Variants in PIAS3 observed in about 807,000 individuals in gnomAD.
The protein encoded by PIAS3 is protein inhibitor of activated STAT 3.
A neutral mutation model predicts 67.6 loss-of-function variants in PIAS3; 34 were observed. The observed-to-expected ratio is 0.50, with a 90% confidence interval of 0.38 to 0.67. The LOEUF (loss-of-function observed/expected upper bound fraction) is 0.67, where lower values mean the gene tolerates loss of function less well. Ranked by LOEUF, PIAS3 falls within the 30% of genes least tolerant of loss-of-function variation. The pLI is 0.00. For synonymous variants in PIAS3, 341 were observed against 313.8 expected, an observed-to-expected ratio of 1.09 and a Z score of -0.92; for missense variants, 693 against 791.6, an observed-to-expected ratio of 0.88 and a Z score of 1.49.
chr1:145,854,897 T>C lies in PIAS3; in HGVS notation c.670-17A>G, dbSNP rs1553735230. ...AAGGTAACCCTGGAGAAGGGAGGGA[T>C]TGGTCAGTGGAGAAGTGGCTCTGGG... On this transcript the variant is annotated splice_polypyrimidine_tract_variant and intron_variant, in intron 5 of 13. Transcript: ENST00000393045. The C allele has an allele frequency of 5.0e-6, 8 of 1,613,594 alleles. No individual in the cohort carries two copies. The highest frequency in any genetic ancestry group is 1.3e-5 in the African/African-American group (1 of 74,816).
intron 9 of PIAS3, 66 bp downstream of exon 9, chr1:145,853,438 A>G: frequency 7.8e-7 from 1 of 1,284,292 alleles, no homozygotes. Flanking sequence ...AGAAAAAGAA[A>G]AAGAAATAAC....
intron 9 of PIAS3, 155 bp from the exon 10 acceptor site, chr1:145,851,308 A>G: frequency 1.4e-6 from 1 of 739,626 alleles, no homozygotes; most frequent in Non-Finnish European, 2.3e-6. Context: ...TTGGAATCAA[A>G]TAACACAAGG....
rs782108461 is a variant in PIAS3 at position 145,858,955 on chromosome 1, G to A, written c.24+12C>T. The stretch of plus-strand genomic sequence containing the variant: ...CTGAGTCCAGATGGGGATGGGGGGA[G>A]GGGGCCGGTACCTTTAATTCGCCCA... On this transcript the variant is annotated intron_variant, in intron 1 of 13. Coordinates refer to ENST00000393045, the MANE Select transcript of PIAS3 (RefSeq NM_006099.3). The A allele has an allele frequency of 6.6e-7, 1 of 1,525,906 alleles. No individual in the cohort carries two copies. Among genetic ancestry groups the A allele is most frequent in the Non-Finnish European group, 8.8e-7 (1 of 1,138,062 alleles). The allele number at this position is 1,525,906 out of a possible 1,614,324, so 94.5% of individuals were successfully genotyped here.
At position 145,855,730 on chromosome 1, in the gene PIAS3, A is replaced by G; in HGVS notation, c.669+6T>C. The G allele has an allele frequency of 6.6e-7, 1 of 1,512,176 alleles. No individual in the cohort carries two copies. Among genetic ancestry groups the G allele is most frequent in the South Asian group, 1.2e-5 (1 of 86,486 alleles). The allele number at this position is 1,512,176 out of a possible 1,614,324, so 93.7% of individuals were successfully genotyped here. On this transcript the variant is annotated splice_donor_region_variant and intron_variant, in intron 5 of 13. Transcript: ENST00000393045. ...ATTACTGACAGAAGAAGGGGAGAGC[A>G]TTTACCGGCAGGGGGCACAGTTTCC...
At chr1:145,854,985 G>T in intron 5 of PIAS3, 105 bp from the exon 6 acceptor site, 2 of 1,376,556 alleles carry the variant, frequency 1.5e-6, no homozygotes, top group Non-Finnish European at 1.0e-6. Flanking sequence ...CTGGAGGGAA[G>T]GCCAACTCGC....
At chr1:145,850,006 G>A (rs1652890484) in intron 13 of PIAS3, 16 of 1,437,550 alleles carry the variant, frequency 1.1e-5, no homozygotes, top group Non-Finnish European at 1.3e-5. Context: ...GGGTAGGGGT[G>A]AGTAGGCCAG....
rs376674457 is a variant in PIAS3, at chr1:145,859,010, C to T, written c.-20G>A. 4.9e-4 allele frequency: 760 copies of T among 1,544,594 alleles called. 3 individuals are homozygous for T. Among genetic ancestry groups the T allele is most frequent in the South Asian group, 2.3e-3 (189 of 83,332 alleles). On this transcript the variant is annotated 5_prime_UTR_variant, in exon 1 of 14. Transcript: ENST00000393045. ...CGCCATCTTGAGACATCGCAGGCGC[C>T]CCAGCCGGAGCCGGAGCTCAGGCCC...
intron 5 of PIAS3, among the ~76,000 whole-genome samples, chr1:145,855,272 A>G (rs1653120116): frequency 6.6e-6 from 1 of 152,156 alleles, no homozygotes; most frequent in African/African-American, 2.4e-5. Context: ...ACCTGAGGTC[A>G]GGAGTTCGAG....
Position 145,849,486 on chromosome 1 carries a change from G to A in PIAS3, c.1847C>T (p.Ser616Phe), listed in dbSNP as rs72995955. The stretch of plus-strand genomic sequence containing the variant: ...GATGTCTGACCGACAGCCAGTCAAA[G>A]AGGGACCTGAGGGCAGGGGTCCTCC... ...GHGGPLPSGP[S>F]LTGCRSDIIS... The change falls in exon 14 of 14, where the codon TCT (serine) becomes TTT (phenylalanine). Residue 616 changes from serine to phenylalanine, a missense_variant. Coordinates refer to ENST00000393045, the MANE Select transcript of PIAS3 (RefSeq NM_006099.3). 402 of 1,522,706 alleles carry A rather than the reference G, an allele frequency of 2.6e-4. 1 individual carries two copies. In the African/African-American group the frequency reaches 5.1e-3, roughly 19 times the overall value. The allele number at this position is 1,522,706 out of a possible 1,614,324, so 94.3% of individuals were successfully genotyped here.
intron 5 of PIAS3, 98 bp from the exon 6 acceptor site, chr1:145,854,978 G>T: frequency 6.9e-7 from 1 of 1,449,776 alleles, no homozygotes; most frequent in Non-Finnish European, 9.5e-7. Flanking sequence ...TCAATCCCTG[G>T]AGGGAAGGCC....
intron 5 of PIAS3, among the ~76,000 whole-genome samples, chr1:145,855,321 A>G (rs1279701513): frequency 3.3e-5 from 5 of 152,100 alleles, no homozygotes. Flanking sequence ...GTCTCTACTA[A>G]AAATACAAAA....
Position 145,856,123 on chromosome 1 carries a change from A to C in PIAS3, c.528-5T>G, listed in dbSNP as rs782334031. On this transcript the variant is annotated splice_polypyrimidine_tract_variant and splice_region_variant and intron_variant, in intron 3 of 13. Transcript: ENST00000393045. ...TTGGCTCCTGGCAGAACCTCTCTGT[A>C]ACAGGGAGGGAGATGAAGAGATGTC... The C allele has an allele frequency of 3.7e-6, 6 of 1,611,740 alleles. No individual in the cohort carries two copies. The highest frequency in any genetic ancestry group is 5.1e-6 in the Non-Finnish European group (6 of 1,177,820).
rs587705184 is a variant in PIAS3, at chr1:145,855,893, C to T, written c.579-67G>A. 1.2e-5 allele frequency: 14 copies of T among 1,155,254 alleles called. No individual in the cohort carries two copies. The Admixed American group carries it at 1.5e-4, about 12-fold the overall frequency. 71.6% of individuals were successfully genotyped at this position (1,155,254 alleles called of 1,614,324 possible). A position where few individuals can be genotyped will look rare whatever the true frequency, so the allele number is the denominator to read the frequency against. On this transcript the variant is annotated intron_variant, in intron 4 of 13. Coordinates refer to ENST00000393045, the MANE Select transcript of PIAS3 (RefSeq NM_006099.3). ...TCTTAACTTGAATCTGGCAGAGAGA[C>T]AGGGAACCCCAGAAAATCAGTCATA...
At chr1:145,854,609 C>A (rs782010811) in intron 6 of PIAS3, 46 bp from the exon 7 acceptor site, 2 of 1,565,198 alleles carry the variant, frequency 1.3e-6, no homozygotes, top group Non-Finnish European at 1.8e-6. Flanking sequence ...CTTCTCATAC[C>A]ACCACTGCCC....
At chr1:145,857,689 T>C (rs1653248251) in intron 1 of PIAS3, among the ~76,000 whole-genome samples, 1 of 152,170 alleles carries the variant, frequency 6.6e-6, no homozygotes, top group Non-Finnish European at 1.5e-5. Flanking sequence ...TAGTCCTATT[T>C]TTCTGGAAGG....
intron 5 of PIAS3, among the ~76,000 whole-genome samples, chr1:145,855,394 A>G (rs1653126002): frequency 6.6e-6 from 1 of 151,862 alleles, no homozygotes; most frequent in South Asian, 2.1e-4. Context: ...AGGCAAGAGA[A>G]TTGCTTGAAC....
At chr1:145,856,240 G>C in intron 3 of PIAS3, 107 bp downstream of exon 3, 1 of 1,247,726 alleles carries the variant, frequency 8.0e-7, no homozygotes, top group Non-Finnish European at 1.2e-6. Context: ...AGAAGAACAA[G>C]AGACAAGTAG....
In PIAS3 at chr1:145,859,071, C is replaced by T; in HGVS notation, c.-81G>A. On this transcript the variant is annotated 5_prime_UTR_variant, in exon 1 of 14. Transcript: ENST00000393045. The stretch of plus-strand genomic sequence containing the variant: ...GCACAACTCTCCACCCTGGCGCCGG[C>T]CGCAAATGCCGCCTGCTCCGCCCAG... 1 of 1,399,352 alleles carries T rather than the reference C, an allele frequency of 7.1e-7. No individual in the cohort carries two copies. The highest frequency in any genetic ancestry group is 2.5e-5 in the Admixed American group (1 of 39,698). The allele number at this position is 1,399,352 out of a possible 1,614,324, so 86.7% of individuals were successfully genotyped here.
intron 4 of PIAS3, 40 bp downstream of exon 4, chr1:145,856,028 C>T (rs782590177): frequency 1.3e-6 from 2 of 1,552,360 alleles, no homozygotes; most frequent in Middle Eastern, 1.7e-4. Flanking sequence ...CACTCCTACC[C>T]CCAGTGGGTA....
Sources: gnomAD v4.1 joint callset for allele counts (sites outside exome capture counted in the v4.1 genomes callset) on GRCh38, gnomAD v4.1.1 for gene constraint, MANE v1.5 for transcripts, NCBI Gene and HGNC (gene_info 2026-07-23, HGNC 2026-07-21) for gene names.